PLTP: variants seen among roughly 807,000 people sequenced by gnomAD.
The protein encoded by PLTP is phospholipid transfer protein.
Under a neutral mutation model 54.1 loss-of-function variants are expected in PLTP, and 43 were observed. That is an observed-to-expected ratio of 0.79 (90% confidence interval 0.62 to 1.02). PLTP has a LOEUF of 1.02. Ranked by LOEUF, PLTP falls within the 50% of genes least tolerant of loss-of-function variation. The probability of loss-of-function intolerance (pLI) is 0.00; values close to 1 mark genes in which losing one functional copy is unlikely to be tolerated. For missense variants in PLTP, 604 were observed against 645.9 expected (o/e 0.94, Z 0.70); for synonymous variants, 263 against 264.6 (o/e 0.99, Z 0.06).
intron 8 of PLTP, 121 bp from the exon 9 acceptor site, chr20:45,905,239 T>A (rs1178906168): frequency 2.4e-6 from 2 of 816,928 alleles, no homozygotes; most frequent in Non-Finnish European, 3.9e-6. Context: ...CAGCTGCTGT[T>A]CTTGGAGGAT....
At position 45,907,770 on chromosome 20, in the gene PLTP, C is replaced by T. The variant is rs769341728; in HGVS notation, c.550-15G>A. 1.2e-6 allele frequency: 2 copies of T among 1,612,902 alleles called. No individual in the cohort carries two copies. Among genetic ancestry groups the T allele is most frequent in the Non-Finnish European group, 8.5e-7 (1 of 1,179,662 alleles). On this transcript the variant is annotated splice_polypyrimidine_tract_variant and intron_variant, in intron 6 of 15. Transcript: ENST00000372431. ...ACAGGGCAGATCTGCGAGGTGGGAG[C>T]CAGAGTCAGGGCCTTCTCAAAGTGA... is the stretch of plus-strand genomic sequence containing the variant.
At chr20:45,907,585 G>A (rs1401528445) in intron 7 of PLTP, 107 bp downstream of exon 7, 3 of 1,054,376 alleles carry the variant, frequency 2.8e-6, no homozygotes, top group Admixed American at 2.0e-5. Context: ...GTCAGCTCCA[G>A]GGGCCACATT....
chr20:45,899,810 C>T (rs868811892), intron 13 of PLTP, 26 bp downstream of exon 13: 2 of 1,134,802 alleles, frequency 1.8e-6, no homozygotes, highest in Non-Finnish European at 2.6e-6. Flanking sequence ...GAACCCAGCC[C>T]AGCCCACCCA....
rs906923197 is a variant in PLTP, at chr20:45,905,103, G to C, written c.721C>G (p.Leu241Val). The C allele has an allele frequency of 1.9e-6, 3 of 1,614,122 alleles. No homozygotes were observed. Among genetic ancestry groups the C allele is most frequent in the African/African-American group, 1.3e-5 (1 of 75,072 alleles). ...GGGAGGCTCCAGTTCCTCTCAGTCA[G>C]GGGGAAGAAGGCCCCCTGGGGTGGG... is the stretch of plus-strand genomic sequence containing the variant. ...DMDFRGAFFP[L>V]TERNWSLPNR... Residue 241 changes from leucine (L) to valine (V), a missense_variant, in exon 9 of 16, where the codon CTG becomes GTG. Leu to Val is a conservative substitution (Grantham distance 32). Coordinates refer to ENST00000372431, the MANE Select transcript of PLTP (RefSeq NM_006227.4).
intron 10 of PLTP, among the ~76,000 whole-genome samples, chr20:45,903,136 C>A (rs7270001): frequency 0.062 from 9,509 of 152,282 alleles, 1,014 homozygotes; most frequent in African/African-American, 0.22. Flanking sequence ...CCCACCTCGG[C>A]CTCCCAAAGT....
chr20:45,909,286 T>C (rs1282061902), intron 5 of PLTP, among the ~76,000 whole-genome samples: 1 of 150,816 alleles, frequency 6.6e-6, no homozygotes, highest in Non-Finnish European at 1.5e-5. Context: ...TTTTTACATA[T>C]ACCAACACAA....
Position 45,906,269 on chromosome 20 carries a change from C to G in PLTP, c.704G>C (p.Arg235Pro), listed in dbSNP as rs751424891. ...CATACACCAGCCCAAGCAGCTCACC[C>G]GGAAGTCCATGTCCAGGTTGCTGGT... ...ASTSNLDMDF[R>P]GAFFPLTERN... Residue 235 changes from arginine to proline, a missense_variant and splice_region_variant, in exon 8 of 16, where the codon CGG (arginine) becomes CCG (proline). By Grantham distance (103) the Arg-to-Pro change is moderately radical (BLOSUM62 -2). Transcript: ENST00000372431. 6 of 1,609,030 alleles carry G rather than the reference C, an allele frequency of 3.7e-6. No homozygotes were observed. The highest frequency in any genetic ancestry group is 5.1e-6 in the Non-Finnish European group (6 of 1,175,464).
chr20:45,906,632 G>A (rs1188296803), intron 7 of PLTP, among the ~76,000 whole-genome samples: 2 of 152,150 alleles, frequency 1.3e-5, no homozygotes, highest in East Asian at 3.8e-4. Context: ...GCTCACACCT[G>A]TAATCCCAGC....
At chr20:45,907,367 G>A (rs560102022) in intron 7 of PLTP, among the ~76,000 whole-genome samples, 125 of 151,882 alleles carry the variant, frequency 8.2e-4, no homozygotes, top group African/African-American at 2.8e-3. Flanking sequence ...AAGAAAAAGG[G>A]AATTCATGTT....
intron 12 of PLTP, 62 bp from the exon 13 acceptor site, chr20:45,899,940 C>T: frequency 7.1e-7 from 1 of 1,400,126 alleles, no homozygotes. Context: ...CTCAGGCCAC[C>T]CAGGCCTACC....
At chr20:45,901,864 A>C (rs896186777) in intron 12 of PLTP, among the ~76,000 whole-genome samples, 1 of 150,124 alleles carries the variant, frequency 6.7e-6, no homozygotes, top group African/African-American at 2.5e-5. Context: ...ACGCTATTGC[A>C]CTCCAGCCTG....
chr20:45,905,163 G>T, intron 8 of PLTP, 45 bp from the exon 9 acceptor site: 1 of 1,566,736 alleles, frequency 6.4e-7, no homozygotes, highest in Non-Finnish European at 8.8e-7. Flanking sequence ...GACTGGCCTG[G>T]CACCTGGACT....
At position 45,912,099 on chromosome 20, in the gene PLTP, C is replaced by T; in HGVS notation, c.-32G>A. 1 of 154,294 alleles carries T rather than the reference C, an allele frequency of 6.5e-6. No individual in the cohort carries two copies. 9.6% of individuals were successfully genotyped at this position (154,294 alleles called of 1,614,324 possible). ...CTCACTCAGCGGTGGAGCTGGGGGGCGGCGCGGTCACGTGGGATGGCGGGC... is the reference window on the plus strand; with the variant it reads ...CTCACTCAGCGGTGGAGCTGGGGGGTGGCGCGGTCACGTGGGATGGCGGGC... On this transcript the variant is annotated 5_prime_UTR_variant, in exon 1 of 16. Coordinates refer to ENST00000372431, the MANE Select transcript of PLTP (RefSeq NM_006227.4).
intron 8 of PLTP, 62 bp from the exon 9 acceptor site, chr20:45,905,180 A>G: frequency 6.7e-7 from 1 of 1,487,208 alleles, no homozygotes; most frequent in Non-Finnish European, 9.4e-7. Flanking sequence ...GACTGACAGC[A>G]GGTGTCTCCC....
intron 5 of PLTP, among the ~76,000 whole-genome samples, chr20:45,909,288 C>T (rs2083267688): frequency 6.6e-6 from 1 of 150,750 alleles, no homozygotes; most frequent in Non-Finnish European, 1.5e-5. Context: ...TTTACATATA[C>T]CAACACAAAT....
Position 45,907,702 on chromosome 20 carries a change from G to A in PLTP, c.603C>T (p.Asp201=). 1.2e-6 allele frequency: 2 copies of A among 1,613,842 alleles called. No homozygotes were observed. The highest frequency in any genetic ancestry group is 1.7e-6 in the Non-Finnish European group (2 of 1,179,924). ...AGTVLLNSLL[D]TVPVRSSVDE... is the part of the protein sequence containing the mutation. ...CCGCCACCAACTCACCAGGCACGGT[G>A]TCCAGGAGGGAGTTGAGCAGGACCG... Residue 201 remains aspartate, a synonymous_variant, in exon 7 of 16, where the codon GAC becomes GAT. Transcript: ENST00000372431.
At chr20:45,905,967 T>C (rs908362527) in intron 8 of PLTP, among the ~76,000 whole-genome samples, 1 of 151,970 alleles carries the variant, frequency 6.6e-6, no homozygotes, top group African/African-American at 2.4e-5. Flanking sequence ...TCGGGGGAGT[T>C]GGGGAAAGGC....
At chr20:45,907,812 G>T (rs1435687908) in intron 6 of PLTP, 29 bp downstream of exon 6, 1 of 1,606,574 alleles carries the variant, frequency 6.2e-7, no homozygotes, top group Non-Finnish European at 8.5e-7. Context: ...GCCCACCCTT[G>T]CCACCCTGCG....
At chr20:45,907,806 A>G in intron 6 of PLTP, 35 bp downstream of exon 6, 1 of 1,606,832 alleles carries the variant, frequency 6.2e-7, no homozygotes. Context: ...GAGCATGCCC[A>G]CCCTTGCCAC....
Sources: allele counts gnomAD v4.1 joint callset (sites outside exome capture counted in the v4.1 genomes callset), GRCh38; gene constraint gnomAD v4.1.1; transcripts MANE v1.5; gene names NCBI Gene and HGNC (gene_info 2026-07-23, HGNC 2026-07-21).